The following TG variants were observed in gnomAD, a reference collection of about 807,000 sequenced individuals.
The protein encoded by TG is thyroglobulin, also known as thyroid hormones.
A neutral mutation model predicts 324.7 loss-of-function variants in TG; 270 were observed. That is an observed-to-expected ratio of 0.83 (90% CI 0.75 to 0.92). The LOEUF is 0.92. Ranked by LOEUF, TG falls within the 40% of genes least tolerant of loss-of-function variation. The pLI is 0.00. For synonymous variants in TG, 1,401 were observed against 1,327.0 expected (o/e 1.06, Z -1.21); for missense variants, 3,591 against 3,456.4 (o/e 1.04, Z -0.98).
Position 132,887,277 on chromosome 8 carries a change from G to T in TG, c.1905G>T (p.Glu635Asp). 6.2e-7 allele frequency: 1 copy of T among 1,603,566 alleles called. No homozygotes were observed. Among genetic ancestry groups the T allele is most frequent in the South Asian group, 1.1e-5 (1 of 89,422 alleles). Residue 635 changes from glutamate (E) to aspartate (D), a missense_variant, in exon 9 of 48, where the codon GAG becomes GAT. Coordinates refer to ENST00000220616, the MANE Select transcript of TG (RefSeq NM_003235.5). ...AGGATGTCCAATGCTTTTCCGGAGA[G>T]TGCTGGTGTGTGAATTCCTGGGGCA... ...SYEDVQCFSG[E>D]CWCVNSWGKE...
chr8:132,928,033 C>T (rs749938736), intron 22 of TG, among the ~76,000 whole-genome samples: 3 of 152,154 alleles, frequency 2.0e-5, no homozygotes, highest in Non-Finnish European at 4.4e-5. Flanking sequence ...AGGCTTAGAG[C>T]ATGCTGGGAT....
At chr8:133,097,773 T>TAC (rs1252584601) in intron 43 of TG, among the ~76,000 whole-genome samples, 1 of 152,224 alleles carries the variant, frequency 6.6e-6, no homozygotes, top group African/African-American at 2.4e-5. Flanking sequence ...TGTATATATA[T>TAC]ACACACATGC....
chr8:132,912,344 A>C (rs887008615), intron 19 of TG, among the ~76,000 whole-genome samples: 4 of 152,120 alleles, frequency 2.6e-5, no homozygotes, highest in Admixed American at 1.3e-4. Flanking sequence ...CCGCAAAAAC[A>C]TGAGATGTTT....
At chr8:133,013,963 A>C (rs1834784295) in intron 37 of TG, among the ~76,000 whole-genome samples, 199 bp downstream of exon 37, 1 of 152,366 alleles carries the variant, frequency 6.6e-6, no homozygotes, top group South Asian at 2.1e-4. Context: ...TATTCCTTTA[A>C]GTTATAGAAG....
At chr8:133,069,713 G>A (rs1843665548) in intron 41 of TG, among the ~76,000 whole-genome samples, 1 of 152,072 alleles carries the variant, frequency 6.6e-6, no homozygotes, top group East Asian at 1.9e-4. Flanking sequence ...AGAAACAGAA[G>A]AAAAAGGCCA....
chr8:132,898,111 A>G, intron 12 of TG, 58 bp from the exon 13 acceptor site: 1 of 1,485,834 alleles, frequency 6.7e-7, no homozygotes, highest in South Asian at 1.2e-5. Flanking sequence ...TTTATGGGAC[A>G]CTCCAGGGTA....
chr8:132,959,755 G>A (rs1238308199), intron 27 of TG, among the ~76,000 whole-genome samples: 1 of 152,144 alleles, frequency 6.6e-6, no homozygotes, highest in African/African-American at 2.4e-5. Flanking sequence ...GGAAATCAGG[G>A]ACCTTACTTT....
chr8:132,968,059 T>A, intron 31 of TG, 89 bp downstream of exon 31: 2 of 1,454,676 alleles, frequency 1.4e-6, no homozygotes, highest in Non-Finnish European at 1.9e-6. Context: ...GTTTCTTATT[T>A]AAAAAACATT....
At chr8:132,979,624 C>A (rs1587663804) in intron 34 of TG, among the ~76,000 whole-genome samples, 1 of 152,288 alleles carries the variant, frequency 6.6e-6, no homozygotes, top group East Asian at 1.9e-4. Context: ...TCATTTAATT[C>A]CCTAACAATC....
chr8:132,893,298 G>A (rs548091310), intron 10 of TG, among the ~76,000 whole-genome samples: 26 of 117,164 alleles, frequency 2.2e-4, no homozygotes, highest in Non-Finnish European at 1.1e-4. Flanking sequence ...GTATGTGTAC[G>A]TGTGGTGTAT....
rs34389272 is a variant in TG at position 133,008,506 on chromosome 8, G to GA, written c.6263-3386dup. Among the ~76,000 whole-genome samples, 1,001 of 147,874 alleles carry GA rather than the reference G, an allele frequency of 6.8e-3. 5 individuals carry two copies. The highest frequency in any genetic ancestry group is 0.011 in the African/African-American group (430 of 40,158). On this transcript the variant is annotated intron_variant, in intron 35 of 47. Transcript: ENST00000220616. ...ATCTATGAACTAAAAATAGAAAAAT[G>GA]AAAAAAAAACAAAATAAAAATTAAT...
intron 34 of TG, 37 bp from the exon 35 acceptor site, chr8:132,983,313 G>A (rs202030771): frequency 1.7e-4 from 272 of 1,605,300 alleles, no homozygotes; most frequent in Admixed American, 7.8e-4. Context: ...TACCATGGGG[G>A]TAGAAAAGAA....
At chr8:132,984,947 A>G (rs1430703099) in intron 35 of TG, among the ~76,000 whole-genome samples, 1 of 151,676 alleles carries the variant, frequency 6.6e-6, no homozygotes, top group Non-Finnish European at 1.5e-5. Context: ...AAAAAAAAAA[A>G]AAGCAAAACA....
At chr8:133,085,901 C>T (rs1405487187) in intron 41 of TG, among the ~76,000 whole-genome samples, 1 of 152,110 alleles carries the variant, frequency 6.6e-6, no homozygotes, top group African/African-American at 2.4e-5. Flanking sequence ...AACATGCATC[C>T]CTATAAGAAC....
In TG at chr8:133,084,019, C is replaced by T. The variant is rs2702985; in HGVS notation, c.7240-11025C>T. 8.0e-3 allele frequency among the ~76,000 whole-genome samples: 1,223 copies of T among 152,302 alleles called. 17 individuals carry two copies. The highest frequency in any genetic ancestry group is 0.043 in the South Asian group (209 of 4,824). Reference sequence around the variant, plus strand: ...TCTCCCACCTTCTATGCCATTCCCTCTCCTGTGCTCATGAGGCCATTCCCA... The same window carrying T: ...TCTCCCACCTTCTATGCCATTCCCTTTCCTGTGCTCATGAGGCCATTCCCA... On this transcript the variant is annotated intron_variant, in intron 41 of 47. Transcript: ENST00000220616.
rs1180105954 is a variant in TG at position 132,888,188 on chromosome 8, G to T, written c.2381G>T (p.Gly794Val). 1.9e-6 allele frequency: 3 copies of T among 1,614,168 alleles called. No homozygotes were observed. In the Admixed American group the frequency reaches 5.0e-5, roughly 27 times the overall value. ...LYQRWEAQNK[G>V]QDLTPAKLLV... ...CAACGATGGGAGGCTCAGAACAAGGGCCAGGATCTGACGCCTGCCAAGCTG... is the reference window on the plus strand; with the variant it reads ...CAACGATGGGAGGCTCAGAACAAGGTCCAGGATCTGACGCCTGCCAAGCTG... Residue 794 changes from glycine to valine, a missense_variant, in exon 10 of 48, where the codon GGC becomes GTC. By Grantham distance (109) the Gly-to-Val change is moderately radical (BLOSUM62 -3). Transcript: ENST00000220616.
intron 26 of TG, among the ~76,000 whole-genome samples, chr8:132,944,463 G>A (rs1824933703): frequency 6.6e-6 from 1 of 152,134 alleles, no homozygotes; most frequent in African/African-American, 2.4e-5. Flanking sequence ...CTCCCTGGTG[G>A]ATTCGAACTC....
chr8:132,905,910 G>T (rs1024906594), intron 16 of TG, among the ~76,000 whole-genome samples: 3 of 152,146 alleles, frequency 2.0e-5, no homozygotes, highest in Non-Finnish European at 2.9e-5. Flanking sequence ...CAGAAGGAAG[G>T]CTTGGAGGTG....
chr8:133,134,480 AGTACCATT>A (rs1465847051), intron 47 of TG, among the ~76,000 whole-genome samples, 188 bp from the exon 48 acceptor site: 2 of 152,212 alleles, frequency 1.3e-5, no homozygotes, highest in East Asian at 3.8e-4. Flanking sequence ...AACAAATCCA[AGTACCATT>A]GTACCCTTAG....
Sources: allele counts gnomAD v4.1 joint callset (sites outside exome capture counted in the v4.1 genomes callset), GRCh38; gene constraint gnomAD v4.1.1; transcripts MANE v1.5; gene names NCBI Gene and HGNC (gene_info 2026-07-23, HGNC 2026-07-21).